GTF2E2: variants seen among roughly 807,000 people sequenced by gnomAD.
GTF2E2 encodes the protein general transcription factor IIE subunit 2.
GTF2E2 carries 21 observed loss-of-function variants against 40.5 expected under a neutral mutation model. The ratio of observed to expected loss-of-function variants is 0.52; its 90% confidence interval spans 0.37 to 0.75. The LOEUF is 0.75. Among genes scored for constraint, GTF2E2 ranks in the 30% least tolerant of loss-of-function variants. The pLI, the probability that GTF2E2 is intolerant of heterozygous loss-of-function variation, is 0.00. For synonymous variants in GTF2E2, 117 were observed against 121.6 expected (o/e 0.96, Z 0.25); for missense variants, 298 against 338.4 (o/e 0.88, Z 0.94).
intron 3 of GTF2E2, 149 bp downstream of exon 3, chr8:30,634,883 A>T (rs1334304690): frequency 1.7e-6 from 1 of 588,090 alleles, no homozygotes; most frequent in Non-Finnish European, 3.0e-6. Context: ...GGCTTGAGGT[A>T]TAATTGGCAT....
intron 2 of GTF2E2, chr8:30,645,578 G>A (rs1452984421): frequency 1.4e-5 from 22 of 1,535,414 alleles, no homozygotes; most frequent in African/African-American, 2.7e-5. Flanking sequence ...ATCAGAAAAC[G>A]TGAAACTGAA....
chr8:30,637,206 C>A (rs1801631237), intron 2 of GTF2E2: 1 of 449,708 alleles, frequency 2.2e-6, no homozygotes, highest in African/African-American at 2.0e-5. Context: ...TGTGACTGCA[C>A]ATTTAATGCT....
At position 30,588,167 on chromosome 8, in the gene GTF2E2, C is replaced by A. The variant is rs1005569989; in HGVS notation, c.644-7771G>T. 2.0e-5 allele frequency among the ~76,000 whole-genome samples: 3 copies of A among 152,160 alleles called. No individual in the cohort carries two copies. In the South Asian group the frequency reaches 6.2e-4, roughly 32 times the overall value. On this transcript the variant is annotated intron_variant, in intron 6 of 7. Coordinates refer to ENST00000355904, the MANE Select transcript of GTF2E2 (RefSeq NM_002095.6). Reference sequence around the variant, plus strand: ...CATTATGGAAAACTGTATGGAGTCCCCCCAGAAAACTAATAACTAGATTAT... The same window carrying A: ...CATTATGGAAAACTGTATGGAGTCCACCCAGAAAACTAATAACTAGATTAT...
intron 3 of GTF2E2, among the ~76,000 whole-genome samples, chr8:30,634,419 G>A (rs1563500526): frequency 2.6e-5 from 4 of 151,978 alleles, no homozygotes; most frequent in Admixed American, 2.6e-4. Context: ...CTGCACTCCA[G>A]CCTGGGTAAC....
chr8:30,611,722 A>AAAGGGGC (rs1254093405), intron 5 of GTF2E2, among the ~76,000 whole-genome samples: 20 of 152,232 alleles, frequency 1.3e-4, no homozygotes, highest in Admixed American at 1.3e-3. Flanking sequence ...AAGAAGAGAC[A>AAAGGGGC]AAGGGGCAAG....
At chr8:30,583,810 ATTTTATTTATTTT>A (rs1443995673) in intron 6 of GTF2E2, among the ~76,000 whole-genome samples, 1 of 151,054 alleles carries the variant, frequency 6.6e-6, no homozygotes, top group Non-Finnish European at 1.5e-5. Flanking sequence ...TTATTTATTT[ATTTTATTTATTTT>A]GAGATGGAGT....
chr8:30,609,277 A>AAG (rs1258961285), intron 5 of GTF2E2, among the ~76,000 whole-genome samples: 2 of 102,606 alleles, frequency 1.9e-5, no homozygotes, highest in African/African-American at 8.5e-5. Flanking sequence ...AAAAAAAAAA[A>AAG]AAAGAGAAAG....
intron 6 of GTF2E2, among the ~76,000 whole-genome samples, chr8:30,586,267 T>G (rs1250888442): frequency 1.3e-5 from 2 of 152,172 alleles, no homozygotes; most frequent in Non-Finnish European, 2.9e-5. Flanking sequence ...ATCTTACATT[T>G]GAGACCTATC....
chr8:30,611,248 T>A (rs1829466979), intron 5 of GTF2E2, among the ~76,000 whole-genome samples: 1 of 152,166 alleles, frequency 6.6e-6, no homozygotes, highest in Admixed American at 6.5e-5. Context: ...TGTAACAGAA[T>A]CCTGAGTCTT....
At chr8:30,632,367 T>C (rs1447286074) in intron 3 of GTF2E2, among the ~76,000 whole-genome samples, 1 of 152,202 alleles carries the variant, frequency 6.6e-6, no homozygotes, top group Non-Finnish European at 1.5e-5. Context: ...TGGTAATCTA[T>C]TTATTTGAAA....
intron 6 of GTF2E2, among the ~76,000 whole-genome samples, chr8:30,591,116 C>T (rs956450874): frequency 1.3e-5 from 2 of 152,178 alleles, no homozygotes; most frequent in African/African-American, 4.8e-5. Context: ...ATAAAGAATT[C>T]TTACAGCTCT....
intron 6 of GTF2E2, among the ~76,000 whole-genome samples, chr8:30,600,387 G>A (rs962807046): frequency 7.2e-5 from 11 of 152,136 alleles, no homozygotes; most frequent in African/African-American, 2.4e-4. Flanking sequence ...ACATTACCAT[G>A]TTCTTACTTT....
chr8:30,652,238 A>G (rs1289558276), intron 2 of GTF2E2, among the ~76,000 whole-genome samples: 1 of 152,254 alleles, frequency 6.6e-6, no homozygotes, highest in Non-Finnish European at 1.5e-5. Flanking sequence ...CATCAAAATT[A>G]AAAACTTTTG....
At chr8:30,653,308 C>T in intron 2 of GTF2E2, 125 bp downstream of exon 2, 2 of 698,434 alleles carry the variant, frequency 2.9e-6, no homozygotes, top group South Asian at 3.7e-5. Context: ...TTGTCCCATC[C>T]TTTATATTCA....
chr8:30,586,705 G>C (rs531391252), intron 6 of GTF2E2, among the ~76,000 whole-genome samples: 1 of 152,144 alleles, frequency 6.6e-6, no homozygotes, highest in Middle Eastern at 3.2e-3. Flanking sequence ...ATGAACCCAT[G>C]CATTTACAAT....
Position 30,620,239 on chromosome 8 carries a change from A to AACACAAACACAAAC in GTF2E2, c.259-5525_259-5524insGTTTGTGTTTGTGT, listed in dbSNP as rs61566167. Among the ~76,000 whole-genome samples, 17 of 150,508 alleles carry AACACAAACACAAAC rather than the reference A, an allele frequency of 1.1e-4. No homozygotes were observed. The East Asian group carries it at 3.1e-3, about 28-fold the overall frequency. On this transcript the variant is annotated intron_variant, in intron 3 of 7. Transcript: ENST00000355904. ...AATAGGAAACTTATACACACACACA[A>AACACAAACACAAAC]ACACACACACACACACACAAACACA...
At chr8:30,632,735 AATCC>A (rs1801477623) in intron 3 of GTF2E2, among the ~76,000 whole-genome samples, 1 of 152,182 alleles carries the variant, frequency 6.6e-6, no homozygotes, top group Middle Eastern at 3.2e-3. Context: ...CTAGGTAACA[AATCC>A]TTTGGCAAGT....
At chr8:30,634,823 T>C (rs1801536605) in intron 3 of GTF2E2, among the ~76,000 whole-genome samples, 1 of 152,208 alleles carries the variant, frequency 6.6e-6, no homozygotes, top group Non-Finnish European at 1.5e-5. Flanking sequence ...TAATGCAGAT[T>C]AAATATGCTT....
intron 2 of GTF2E2, among the ~76,000 whole-genome samples, chr8:30,636,342 T>A (rs1375864860): frequency 6.6e-6 from 1 of 152,196 alleles, no homozygotes; most frequent in African/African-American, 2.4e-5. Flanking sequence ...AACCAATCTC[T>A]GGCACCAGGT....
Sources: gnomAD v4.1 joint callset for allele counts (sites outside exome capture counted in the v4.1 genomes callset) on GRCh38, gnomAD v4.1.1 for gene constraint, MANE v1.5 for transcripts, NCBI Gene and HGNC (gene_info 2026-07-23, HGNC 2026-07-21) for gene names.